Variants in TMEM115 observed in about 807,000 individuals in gnomAD.
The protein encoded by TMEM115 is PP6.
In TMEM115, 8 loss-of-function variants were observed where a neutral mutation model predicts 20.1. That is an observed-to-expected ratio of 0.40 (90% CI 0.23 to 0.72). The LOEUF (loss-of-function observed/expected upper bound fraction) is 0.72, where lower values mean the gene tolerates loss of function less well. TMEM115 is among the 30% of genes least tolerant of loss of function. The pLI, the probability that TMEM115 is intolerant of heterozygous loss-of-function variation, is 0.39. For synonymous variants in TMEM115, 229 were observed against 206.2 expected (o/e 1.11, Z -0.95); for missense variants, 374 against 455.1 (o/e 0.82, Z 1.62).
intron 1 of TMEM115, among the ~76,000 whole-genome samples, chr3:50,356,439 G>A (rs966857789): frequency 2.0e-5 from 3 of 152,222 alleles, no homozygotes; most frequent in African/African-American, 7.2e-5. Context: ...TGTGGGGACA[G>A]CCTGTGTAGC....
intron 1 of TMEM115, among the ~76,000 whole-genome samples, chr3:50,356,110 A>G (rs775660887): frequency 6.6e-6 from 1 of 152,182 alleles, no homozygotes; most frequent in African/African-American, 2.4e-5. Context: ...CTCCTAACTG[A>G]TGCTAATATT....
chr3:50,356,454 C>A (rs1048457956), intron 1 of TMEM115, among the ~76,000 whole-genome samples: 3 of 152,214 alleles, frequency 2.0e-5, no homozygotes, highest in Admixed American at 2.0e-4. Flanking sequence ...TGTAGCCTTT[C>A]AGGTTCCAGC....
chr3:50,355,440 C>A lies in TMEM115; in HGVS notation c.959G>T (p.Ser320Ile). The A allele has an allele frequency of 6.2e-7, 1 of 1,601,718 alleles. No homozygotes were observed. The highest frequency in any genetic ancestry group is 2.3e-5 in the East Asian group (1 of 43,580). Residue 320 changes from serine (S) to isoleucine (I), a missense_variant, in exon 2 of 2, where the codon AGC becomes ATC. By Grantham distance (142) the Ser-to-Ile change is moderately radical. Transcript: ENST00000266025. ...DEEESGAKVD[S>I]PLPSDKAPTP... is the part of the protein sequence containing the mutation. ...GGGAGCTTTGTCTGAGGGCAGGGGG[C>A]TGTCCACCTTGGCCCCAGACTCCTC...
At chr3:50,356,203 G>A (rs1003681720) in intron 1 of TMEM115, among the ~76,000 whole-genome samples, 3 of 152,246 alleles carry the variant, frequency 2.0e-5, no homozygotes, top group Non-Finnish European at 4.4e-5. Context: ...AGGAGAAGAA[G>A]GAGAAACAGC....
Position 50,359,182 on chromosome 3 carries a change from C to T in TMEM115, c.-119G>A. On this transcript the variant is annotated 5_prime_UTR_variant, in exon 1 of 2. Coordinates refer to ENST00000266025, the MANE Select transcript of TMEM115 (RefSeq NM_007024.5). ...CCCGGCCTAGTCACTGGCCTATGGC[C>T]CTGGTAAAGGATCCGCTTCCGATCG... is the stretch of plus-strand genomic sequence containing the variant. 7.1e-7 allele frequency: 1 copy of T among 1,401,354 alleles called. No homozygotes were observed. The highest frequency in any genetic ancestry group is 9.4e-7 in the Non-Finnish European group (1 of 1,064,754). The allele number at this position is 1,401,354 out of a possible 1,614,324, so 86.8% of individuals were successfully genotyped here. A position where few individuals can be genotyped will look rare whatever the true frequency, so the allele number is the denominator to read the frequency against.
chr3:50,356,182 G>A (rs1430444654), intron 1 of TMEM115, among the ~76,000 whole-genome samples: 1 of 152,244 alleles, frequency 6.6e-6, no homozygotes, highest in East Asian at 1.9e-4. Context: ...ACTTAGCGGA[G>A]CCCTTGCAAG....
intron 1 of TMEM115, among the ~76,000 whole-genome samples, chr3:50,355,783 T>A (rs1273207384): frequency 6.6e-6 from 1 of 152,158 alleles, no homozygotes; most frequent in East Asian, 1.9e-4. Context: ...CTGAGGCACC[T>A]CCGGGATGGG....
chr3:50,358,240 G>A lies in TMEM115; in HGVS notation c.824C>T (p.Thr275Ile), dbSNP rs1237332704. The stretch of plus-strand genomic sequence containing the variant: ...TCTCCGCTCGGCGTCTTGAGGGTCT[G>A]TGCCTGGCAGGCTGATGGTGATGGA... ...PSSITISLPG[T>I]DPQDAERRRQ... Residue 275 changes from threonine (T) to isoleucine (I), a missense_variant, in exon 1 of 2, where the codon ACA (threonine) becomes ATA (isoleucine). Thr to Ile is a moderately conservative substitution (Grantham distance 89). Coordinates refer to ENST00000266025, the MANE Select transcript of TMEM115 (RefSeq NM_007024.5). 29 of 1,613,844 alleles carry A rather than the reference G, an allele frequency of 1.8e-5. No homozygotes were observed. The highest frequency in any genetic ancestry group is 2.4e-5 in the Non-Finnish European group (28 of 1,179,948).
At position 50,359,206 on chromosome 3, in the gene TMEM115, C is replaced by G; in HGVS notation, c.-143G>C. On this transcript the variant is annotated 5_prime_UTR_variant, in exon 1 of 2. Transcript: ENST00000266025. Reference sequence around the variant, plus strand: ...CCCTGGTAAAGGATCCGCTTCCGATCGGGTGGGGCTCTGGTCCCGAGGGGC... The same window carrying G: ...CCCTGGTAAAGGATCCGCTTCCGATGGGGTGGGGCTCTGGTCCCGAGGGGC... The G allele has an allele frequency of 7.6e-7, 1 of 1,315,964 alleles. No individual in the cohort carries two copies. Among genetic ancestry groups the G allele is most frequent in the Non-Finnish European group, 1.0e-6 (1 of 991,356 alleles). 81.5% of individuals were successfully genotyped at this position (1,315,964 alleles called of 1,614,324 possible).
intron 1 of TMEM115, among the ~76,000 whole-genome samples, chr3:50,357,894 A>C (rs1216505075): frequency 6.6e-6 from 1 of 152,206 alleles, no homozygotes; most frequent in East Asian, 1.9e-4. Flanking sequence ...TCTGGCTCCC[A>C]CAGGCCCAAT....
In TMEM115 at chr3:50,358,948, G is replaced by A. The variant is rs768111648; in HGVS notation, c.116C>T (p.Ala39Val). The A allele has an allele frequency of 3.7e-6, 6 of 1,611,768 alleles. No homozygotes were observed. The Admixed American group carries it at 8.4e-5, about 22-fold the overall frequency. Residue 39 changes from alanine (A) to valine (V), a missense_variant, in exon 1 of 2, where the codon GCC becomes GTC. Ala to Val is a moderately conservative substitution (Grantham distance 64). Coordinates refer to ENST00000266025, the MANE Select transcript of TMEM115 (RefSeq NM_007024.5). ...GACCGCCAGGCAGCCTGTGTCCACGGCGAAGGAGAGCAGGTAGAGGAATAG... is the reference window on the plus strand; with the variant it reads ...GACCGCCAGGCAGCCTGTGTCCACGACGAAGGAGAGCAGGTAGAGGAATAG... Reference protein sequence around the residue: ...AVLFLYLLSFAVDTGCLAVTP... With the variant: ...AVLFLYLLSFVVDTGCLAVTP...
intron 1 of TMEM115, 115 bp downstream of exon 1, chr3:50,358,098 G>A: frequency 2.1e-6 from 3 of 1,397,778 alleles, no homozygotes; most frequent in Non-Finnish European, 2.9e-6. Context: ...TTCCGGATGT[G>A]CCCCAATACC....
Position 50,359,088 on chromosome 3 carries a change from A to G in TMEM115, c.-25T>C. The G allele has an allele frequency of 1.3e-6, 2 of 1,541,918 alleles. No individual in the cohort carries two copies. The highest frequency in any genetic ancestry group is 1.8e-6 in the Non-Finnish European group (2 of 1,142,668). ...TCTTCCTGGCGGCTGTCGGCCTGAG[A>G]AAAGGGTCTGGTAGGCCAGGGGCCT... On this transcript the variant is annotated 5_prime_UTR_variant, in exon 1 of 2. Coordinates refer to ENST00000266025, the MANE Select transcript of TMEM115 (RefSeq NM_007024.5).
rs1248343951 is a variant in TMEM115, at chr3:50,355,304, G to C, written c.*39C>G. 1 of 1,408,576 alleles carries C rather than the reference G, an allele frequency of 7.1e-7. No individual in the cohort carries two copies. Among genetic ancestry groups the C allele is most frequent in the Non-Finnish European group, 9.5e-7 (1 of 1,054,832 alleles). 87.3% of individuals were successfully genotyped at this position (1,408,576 alleles called of 1,614,324 possible). On this transcript the variant is annotated 3_prime_UTR_variant, in exon 2 of 2. Transcript: ENST00000266025. Reference sequence around the variant, plus strand: ...AGTAGCTGAGAGGATGTCAAGGGGGGCTTGGGAGGGGAGGTGCCACACTCA... The same window carrying C: ...AGTAGCTGAGAGGATGTCAAGGGGGCCTTGGGAGGGGAGGTGCCACACTCA...
chr3:50,356,870 T>C (rs1361599602), intron 1 of TMEM115, among the ~76,000 whole-genome samples: 1 of 151,964 alleles, frequency 6.6e-6, no homozygotes, highest in African/African-American at 2.4e-5. Context: ...GACCCTCCCT[T>C]CCTCCCCACC....
At position 50,358,869 on chromosome 3, in the gene TMEM115, A is replaced by G. The variant is rs1369513973; in HGVS notation, c.195T>C (p.His65=). The G allele has an allele frequency of 1.2e-6, 2 of 1,613,286 alleles. No homozygotes were observed. Among genetic ancestry groups the G allele is most frequent in the Non-Finnish European group, 1.7e-6 (2 of 1,180,014 alleles). Residue 65 remains histidine (H), a synonymous_variant, in exon 1 of 2, where the codon CAT becomes CAC. Coordinates refer to ENST00000266025, the MANE Select transcript of TMEM115 (RefSeq NM_007024.5). The part of the protein sequence containing the change: ...PNFWIWTLAT[H]GLMEQHVWDV... Reference sequence around the variant, plus strand: ...CCCACACATGCTGCTCCATCAGCCCATGGGTGGCCAGGGTCCAGATCCAGA... The same window carrying G: ...CCCACACATGCTGCTCCATCAGCCCGTGGGTGGCCAGGGTCCAGATCCAGA...
chr3:50,358,136 C>CT (rs1703904994), intron 1 of TMEM115, 77 bp downstream of exon 1: 2 of 1,554,976 alleles, frequency 1.3e-6, no homozygotes, highest in African/African-American at 2.7e-5. Flanking sequence ...CTATGTACAG[C>CT]GAACACCTCA....
At position 50,355,218 on chromosome 3, in the gene TMEM115, A is replaced by G. The variant is rs1487836972; in HGVS notation, c.*125T>C. 5.9e-6 allele frequency: 4 copies of G among 673,104 alleles called. No homozygotes were observed. The highest frequency in any genetic ancestry group is 9.4e-6 in the Non-Finnish European group (4 of 424,448). The allele number at this position is 673,104 out of a possible 1,614,324, so 41.7% of individuals were successfully genotyped here. A position where few individuals can be genotyped will look rare whatever the true frequency, so the allele number is the denominator to read the frequency against. ...GGGTAGTGTTGGCGAGAAACAGCAGAAGGCCATGGAAAGCCCCAGCAGGCC... is the reference window on the plus strand; with the variant it reads ...GGGTAGTGTTGGCGAGAAACAGCAGGAGGCCATGGAAAGCCCCAGCAGGCC... On this transcript the variant is annotated 3_prime_UTR_variant, in exon 2 of 2. Coordinates refer to ENST00000266025, the MANE Select transcript of TMEM115 (RefSeq NM_007024.5).
rs1388334850 is a variant in TMEM115, at chr3:50,359,450, G to A, written c.-387C>T. ...CTCGTTCTGTACCCGAGTCAAGCCTGGTCAGCTCCCGCTCGGCCTGGCTCC... is the reference window on the plus strand; with the variant it reads ...CTCGTTCTGTACCCGAGTCAAGCCTAGTCAGCTCCCGCTCGGCCTGGCTCC... On this transcript the variant is annotated 5_prime_UTR_variant, in exon 1 of 2. Coordinates refer to ENST00000266025, the MANE Select transcript of TMEM115 (RefSeq NM_007024.5). 1.1e-5 allele frequency: 2 copies of A among 184,560 alleles called. No individual in the cohort carries two copies. Among genetic ancestry groups the A allele is most frequent in the Non-Finnish European group, 2.3e-5 (2 of 87,710 alleles). 11.4% of individuals were successfully genotyped at this position (184,560 alleles called of 1,614,324 possible). A position where few individuals can be genotyped will look rare whatever the true frequency, so the allele number is the denominator to read the frequency against.
Sources: allele counts gnomAD v4.1 joint callset (sites outside exome capture counted in the v4.1 genomes callset), GRCh38; gene constraint gnomAD v4.1.1; transcripts MANE v1.5; gene names NCBI Gene and HGNC (gene_info 2026-07-23, HGNC 2026-07-21).